NDST1: variants seen among roughly 807,000 people sequenced by gnomAD.
The protein encoded by NDST1 is N-deacetylase and N-sulfotransferase 1.
Under a neutral mutation model 92.8 loss-of-function variants are expected in NDST1, and 35 were observed. The observed-to-expected ratio is 0.38, with a 90% confidence interval of 0.29 to 0.50. The LOEUF is 0.50. Ranked by LOEUF, NDST1 falls within the 20% of genes least tolerant of loss-of-function variation. The probability of loss-of-function intolerance (pLI) is 0.94; values close to 1 mark genes in which losing one functional copy is unlikely to be tolerated. For missense variants in NDST1, 822 were observed against 1,182.7 expected, an observed-to-expected ratio of 0.69 and a Z score of 4.47; for synonymous variants, 493 against 500.3, an observed-to-expected ratio of 0.99 and a Z score of 0.19.
At chr5:150,531,267 C>G (rs529412285) in intron 3 of NDST1, among the ~76,000 whole-genome samples, 1 of 152,090 alleles carries the variant, frequency 6.6e-6, no homozygotes, top group Non-Finnish European at 1.5e-5. Flanking sequence ...CTTACAGCAG[C>G]CCTGTGAGGT....
chr5:150,545,178 T>G, intron 10 of NDST1, 134 bp from the exon 11 acceptor site: 3 of 1,027,506 alleles, frequency 2.9e-6, no homozygotes, highest in Non-Finnish European at 4.5e-6. Flanking sequence ...GGCAAGTCCT[T>G]GTTTGGTTGG....
chr5:150,554,335 T>TTATATATATATA lies in NDST1; in HGVS notation c.*1016_*1027dup, dbSNP rs55954668. ...CCCTGGGTGCTGGGGTCGCACTGTGTTATATATATATATATATATATATAA... is the reference window on the plus strand; with the variant it reads ...CCCTGGGTGCTGGGGTCGCACTGTGTTATATATATATATATATATATATATATATATATATAA... On this transcript the variant is annotated 3_prime_UTR_variant, in exon 15 of 15. Coordinates refer to ENST00000261797, the MANE Select transcript of NDST1 (RefSeq NM_001543.5). 2.0e-4 allele frequency: 28 copies of TTATATATATATA among 138,152 alleles called. No individual in the cohort carries two copies. Among genetic ancestry groups the TTATATATATATA allele is most frequent in the African/African-American group, 5.6e-4 (20 of 35,904 alleles). The allele number at this position is 138,152 out of a possible 1,614,324, so 8.6% of individuals were successfully genotyped here.
At chr5:150,532,314 T>C (rs867675488) in intron 3 of NDST1, among the ~76,000 whole-genome samples, 5 of 152,162 alleles carry the variant, frequency 3.3e-5, no homozygotes, top group Admixed American at 6.5e-5. Flanking sequence ...TGTTTTACAT[T>C]TGATGAAACC....
At position 150,554,116 on chromosome 5, in the gene NDST1, G is replaced by A; in HGVS notation, c.*784G>A. 2.5e-6 allele frequency: 1 copy of A among 400,086 alleles called. No homozygotes were observed. The highest frequency in any genetic ancestry group is 4.4e-6 in the Non-Finnish European group (1 of 226,948). 24.8% of individuals were successfully genotyped at this position (400,086 alleles called of 1,614,324 possible). ...GGGTCTGCCAGTAACATGTTCCCAT[G>A]TACAGACACGGTCCCCACACCCTCC... On this transcript the variant is annotated 3_prime_UTR_variant, in exon 15 of 15. Transcript: ENST00000261797.
intron 1 of NDST1, among the ~76,000 whole-genome samples, chr5:150,511,203 A>T (rs1461644988): frequency 2.0e-5 from 3 of 152,230 alleles, no homozygotes; most frequent in South Asian, 2.1e-4. Flanking sequence ...AGTTAATGTT[A>T]TTAATGCATT....
In NDST1 at chr5:150,527,796, G is replaced by T; in HGVS notation, c.514-8G>T. The T allele has an allele frequency of 6.2e-7, 1 of 1,613,374 alleles. No homozygotes were observed. Among genetic ancestry groups the T allele is most frequent in the South Asian group, 1.1e-5 (1 of 91,058 alleles). ...TCTGTTCCCCTTCCTGCCCTCCATTGACTGCAGGCCAATGAGAACAGCCTG... is the reference window on the plus strand; with the variant it reads ...TCTGTTCCCCTTCCTGCCCTCCATTTACTGCAGGCCAATGAGAACAGCCTG... On this transcript the variant is annotated splice_polypyrimidine_tract_variant and splice_region_variant and intron_variant, in intron 2 of 14. Coordinates refer to ENST00000261797, the MANE Select transcript of NDST1 (RefSeq NM_001543.5).
chr5:150,521,188 C>G lies in NDST1; in HGVS notation c.-67C>G. The G allele has an allele frequency of 6.9e-7, 1 of 1,439,562 alleles. No individual in the cohort carries two copies. The highest frequency in any genetic ancestry group is 9.4e-7 in the Non-Finnish European group (1 of 1,061,050). The allele number at this position is 1,439,562 out of a possible 1,614,324, so 89.2% of individuals were successfully genotyped here. ...TCAGTGGACGATTCTCGTGTCTCCT[C>G]CTGTGTGGGGCCTTGGGGTAGCCAG... On this transcript the variant is annotated 5_prime_UTR_variant, in exon 2 of 15. Transcript: ENST00000261797. This position sits in a 1 kb window ranked among gnomAD's most constrained non-coding sequence, Gnocchi z 5.9.
At position 150,533,112 on chromosome 5, in the gene NDST1, G is replaced by A; in HGVS notation, c.1096+80G>A. On this transcript the variant is annotated intron_variant, in intron 4 of 14. Transcript: ENST00000261797. ...AAACCCTCAAAGCACCCATCCATGAGGGCAGCGGGTGGGTTTACTGGCCCA... is the reference window on the plus strand; with the variant it reads ...AAACCCTCAAAGCACCCATCCATGAAGGCAGCGGGTGGGTTTACTGGCCCA... The A allele has an allele frequency of 2.1e-6, 3 of 1,404,210 alleles. No individual in the cohort carries two copies. The South Asian group carries it at 3.5e-5, about 16-fold the overall frequency. The allele number at this position is 1,404,210 out of a possible 1,614,324, so 87.0% of individuals were successfully genotyped here.
rs1437399313 is a variant in NDST1, at chr5:150,535,294, G to A, written c.1251+273G>A. The A allele has an allele frequency of 1.1e-5, 11 of 985,332 alleles. No homozygotes were observed. In the East Asian group the frequency reaches 1.1e-3, roughly 102 times the overall value. The allele number at this position is 985,332 out of a possible 1,614,324, so 61.0% of individuals were successfully genotyped here. A position where few individuals can be genotyped will look rare whatever the true frequency, so the allele number is the denominator to read the frequency against. ...CTTAAACTCAGGCCATTTGTTTCCT[G>A]TGCCCAAGCTCTTACTAGAAGGGGA... On this transcript the variant is annotated intron_variant, in intron 5 of 14. Coordinates refer to ENST00000261797, the MANE Select transcript of NDST1 (RefSeq NM_001543.5).
Position 150,513,156 on chromosome 5 carries a change from C to T in NDST1, c.-388+4930C>T, listed in dbSNP as rs141035645. 3.2e-4 allele frequency among the ~76,000 whole-genome samples: 48 copies of T among 152,176 alleles called. 1 individual carries two copies. In the East Asian group the frequency reaches 8.5e-3, roughly 27 times the overall value. The stretch of plus-strand genomic sequence containing the variant: ...GGCTGCAGTAAGTGTGATTGTGCCC[C>T]TGCACTCCAGCCTGGGCAACAGAGA... On this transcript the variant is annotated intron_variant, in intron 1 of 14. Coordinates refer to ENST00000261797, the MANE Select transcript of NDST1 (RefSeq NM_001543.5).
chr5:150,500,640 C>G (rs1421119248), intron 1 of NDST1, among the ~76,000 whole-genome samples: 1 of 152,168 alleles, frequency 6.6e-6, no homozygotes, highest in Non-Finnish European at 1.5e-5. Flanking sequence ...AAGCCTGGCT[C>G]AAAGTGGGCA....
intron 3 of NDST1, among the ~76,000 whole-genome samples, chr5:150,528,636 C>A (rs1466575520): frequency 2.7e-5 from 4 of 150,486 alleles, no homozygotes; most frequent in African/African-American, 4.9e-5. Flanking sequence ...ACTAAAAATA[C>A]AAAAAAAAAT....
At chr5:150,525,416 CA>C (rs779434596) in intron 2 of NDST1, among the ~76,000 whole-genome samples, 1 of 152,204 alleles carries the variant, frequency 6.6e-6, no homozygotes, top group Non-Finnish European at 1.5e-5. Context: ...AGGCGATGGA[CA>C]AGGCCTGAAA....
chr5:150,514,399 A>G (rs1250816346), intron 1 of NDST1, among the ~76,000 whole-genome samples: 4 of 152,052 alleles, frequency 2.6e-5, no homozygotes, highest in Non-Finnish European at 5.9e-5. Flanking sequence ...GCAAAACCGC[A>G]TATCTACAAA....
In NDST1 at chr5:150,517,982, C is replaced by T. The variant is rs139963723; in HGVS notation, c.-387-2886C>T. 7.1e-3 allele frequency among the ~76,000 whole-genome samples: 1,079 copies of T among 152,274 alleles called. 9 individuals are homozygous for T. Among genetic ancestry groups the T allele is most frequent in the Non-Finnish European group, 0.011 (721 of 68,008 alleles). On this transcript the variant is annotated intron_variant, in intron 1 of 14. Coordinates refer to ENST00000261797, the MANE Select transcript of NDST1 (RefSeq NM_001543.5). The stretch of plus-strand genomic sequence containing the variant: ...GGGCTGGGCTGCGGCCACAGGCTGC[C>T]CTTATCAATGGTAAATGGGACACCT...
At position 150,553,916 on chromosome 5, in the gene NDST1, C is replaced by A; in HGVS notation, c.*584C>A. ...TACCTTCACATCTCACCCTCCCGTT[C>A]TGGGGAAGAATTTCTGGTTCCTACA... On this transcript the variant is annotated 3_prime_UTR_variant, in exon 15 of 15. Transcript: ENST00000261797. This position sits in a 1 kb window ranked among gnomAD's most constrained non-coding sequence, Gnocchi z 4.2. 1 of 425,382 alleles carries A rather than the reference C, an allele frequency of 2.4e-6. No homozygotes were observed. The highest frequency in any genetic ancestry group is 9.1e-5 in the South Asian group (1 of 10,992). 26.4% of individuals were successfully genotyped at this position (425,382 alleles called of 1,614,324 possible).
At chr5:150,524,520 C>T (rs564454734) in intron 2 of NDST1, among the ~76,000 whole-genome samples, 174 of 152,354 alleles carry the variant, frequency 1.1e-3, no homozygotes, top group Non-Finnish European at 2.0e-3. Flanking sequence ...TACCTGACCT[C>T]TTTCATTGAG....
Position 150,528,226 on chromosome 5 carries a change from C to T in NDST1, c.936C>T (p.Arg312=). ...AGCGCCTCTCCCTGCCATTGGACCG[C>T]TACATCCTGGTGGACATTGATGACA... The part of the protein sequence containing the change: ...TGKRLSLPLD[R]YILVDIDDIF... Residue 312 remains arginine, a synonymous_variant, in exon 3 of 15, where the codon CGC becomes CGT. Transcript: ENST00000261797. The T allele has an allele frequency of 6.2e-7, 1 of 1,613,784 alleles. No homozygotes were observed. The highest frequency in any genetic ancestry group is 2.2e-5 in the East Asian group (1 of 44,860).
intron 3 of NDST1, among the ~76,000 whole-genome samples, chr5:150,531,562 G>A (rs542779721): frequency 8.2e-5 from 12 of 146,392 alleles, no homozygotes; most frequent in African/African-American, 2.5e-4. Context: ...GTGCAGTGAC[G>A]TTATCTCGGC....
Sources: gnomAD v4.1 joint callset for allele counts (sites outside exome capture counted in the v4.1 genomes callset) on GRCh38, gnomAD v4.1.1 for gene constraint, Gnocchi (gnomAD v3.1) non-coding constraint, MANE v1.5 for transcripts, NCBI Gene and HGNC (gene_info 2026-07-23, HGNC 2026-07-21) for gene names.